The following DDC variants were observed in gnomAD, a reference collection of about 807,000 sequenced individuals.
The protein encoded by DDC is dopa decarboxylase, also known as aromatic-L-amino-acid decarboxylase.
Under a neutral mutation model 60.0 loss-of-function variants are expected in DDC, and 43 were observed. The observed-to-expected ratio is 0.72, with a 90% CI of 0.56 to 0.92. The LOEUF (loss-of-function observed/expected upper bound fraction) is 0.92, where lower values mean the gene tolerates loss of function less well. DDC is among the 40% of genes least tolerant of loss of function. The pLI, the probability that DDC is intolerant of heterozygous loss-of-function variation, is 0.00. For missense variants in DDC, 573 were observed against 620.2 expected (o/e 0.92, Z 0.81); for synonymous variants, 232 against 234.6 (o/e 0.99, Z 0.10).
intron 9 of DDC, chr7:50,492,511 AGCC>A (rs2043018988): frequency 5.4e-6 from 1 of 185,884 alleles, no homozygotes; most frequent in East Asian, 1.5e-4. Flanking sequence ...TAGCCTTTCA[AGCC>A]CATAGGAAGG....
At position 50,495,351 on chromosome 7, in the gene DDC, A is replaced by G; in HGVS notation, c.943T>C (p.Trp315Arg). 1 of 1,611,796 alleles carries G rather than the reference A, an allele frequency of 6.2e-7. No homozygotes were observed. Among genetic ancestry groups the G allele is most frequent in the Admixed American group, 1.7e-5 (1 of 60,020 alleles). The change falls in exon 9 of 15, where the codon TGG (tryptophan) becomes CGG (arginine). Residue 315 changes from tryptophan to arginine, a missense_variant and splice_region_variant. Transcript: ENST00000444124. ...LLVNFDCSAMWVKKRTDLTGA... is the reference protein window; with the variant it reads ...LLVNFDCSAMRVKKRTDLTGA... Reference sequence around the variant, plus strand: ...ACATCTGTGAGCAGGGAAACTTACCACATGGCAGAACAGTCAAAATTCACC... The same window carrying G: ...ACATCTGTGAGCAGGGAAACTTACCGCATGGCAGAACAGTCAAAATTCACC...
chr7:50,510,084 A>T (rs944056646), intron 6 of DDC, among the ~76,000 whole-genome samples: 1 of 151,738 alleles, frequency 6.6e-6, no homozygotes, highest in African/African-American at 2.4e-5. Flanking sequence ...CCATTCTCTC[A>T]TCTCAGCTTC....
intron 10 of DDC, among the ~76,000 whole-genome samples, chr7:50,477,240 C>T (rs181320236): frequency 6.6e-6 from 1 of 152,290 alleles, no homozygotes; most frequent in East Asian, 1.9e-4. Flanking sequence ...ATGCCTAAAG[C>T]AGCAAACCCC....
At chr7:50,551,343 G>A (rs539723390) in intron 1 of DDC, among the ~76,000 whole-genome samples, 8 of 150,170 alleles carry the variant, frequency 5.3e-5, no homozygotes, top group Non-Finnish European at 1.0e-4. Context: ...CAATTCTCCC[G>A]CCTTGACCTC....
intron 11 of DDC, among the ~76,000 whole-genome samples, chr7:50,472,749 G>A (rs868195864): frequency 7.2e-5 from 11 of 152,114 alleles, no homozygotes; most frequent in African/African-American, 1.9e-4. Flanking sequence ...CATACCTCGC[G>A]TCCTGAACAG....
chr7:50,509,386 T>C (rs1291500351), intron 6 of DDC, among the ~76,000 whole-genome samples: 1 of 152,220 alleles, frequency 6.6e-6, no homozygotes, highest in Non-Finnish European at 1.5e-5. Flanking sequence ...CTTAATGAAA[T>C]GTGTAGTCTT....
rs753317869 is a variant in DDC at position 50,544,094 on chromosome 7, G to C, written c.-9C>G. ...AATTCACTTGCGTTCATGGTGTCTG[G>C]GCTCTGTCAGAGGTGAAAACTGCAG... On this transcript the variant is annotated 5_prime_UTR_variant, in exon 2 of 15. Coordinates refer to ENST00000444124, the MANE Select transcript of DDC (RefSeq NM_001082971.2). 2.5e-6 allele frequency: 4 copies of C among 1,613,750 alleles called. No individual in the cohort carries two copies. The East Asian group carries it at 8.9e-5, about 36-fold the overall frequency.
intron 9 of DDC, among the ~76,000 whole-genome samples, chr7:50,491,809 C>CAGTAATGTGA (rs746828184): frequency 1.8e-4 from 27 of 152,134 alleles, no homozygotes; most frequent in Non-Finnish European, 3.4e-4. Flanking sequence ...TGTGACCATT[C>CAGTAATGTGA]CCTCCCTCTT....
rs2043139290 is a variant in DDC, at chr7:50,496,898, C to G, written c.877-1481G>C. On this transcript the variant is annotated intron_variant, in intron 8 of 14. Transcript: ENST00000444124. ...GAGGCATTTGGTTGGTGGATGACAA[C>G]TTTCCACTGCTCTGGAGACCCAGGT... Among the ~76,000 whole-genome samples, 3 of 152,190 alleles carry G rather than the reference C, an allele frequency of 2.0e-5. No homozygotes were observed. The South Asian group carries it at 6.2e-4, about 31-fold the overall frequency.
chr7:50,559,855 GA>G lies in DDC; in HGVS notation c.-29+5429del, dbSNP rs1324241598. On this transcript the variant is annotated intron_variant, in intron 1 of 14. Transcript: ENST00000444124. ...AGAATAATCAACATCTTGAAGAGCAGAAAACAAAAGTAATTAGATCCCCCAG... is the reference window on the plus strand; with the variant it reads ...AGAATAATCAACATCTTGAAGAGCAGAAACAAAAGTAATTAGATCCCCCAG... Among the ~76,000 whole-genome samples the G allele has an allele frequency of 2.0e-5, 3 of 152,328 alleles. No individual in the cohort carries two copies. In the East Asian group the frequency reaches 5.8e-4, roughly 29 times the overall value.
In DDC at chr7:50,543,850, G is replaced by T. The variant is rs756350735; in HGVS notation, c.201+35C>A. On this transcript the variant is annotated intron_variant, in intron 2 of 14. Transcript: ENST00000444124. ...CCAAGTAGGTGCTATGTGAGTTCTAGCCCTCCTGTTTTCTGACCTTGGATA... is the reference window on the plus strand; with the variant it reads ...CCAAGTAGGTGCTATGTGAGTTCTATCCCTCCTGTTTTCTGACCTTGGATA... 2.5e-6 allele frequency: 4 copies of T among 1,594,986 alleles called. No homozygotes were observed. The African/African-American group carries it at 4.0e-5, about 16-fold the overall frequency.
chr7:50,460,214 G>A (rs1277244102), intron 14 of DDC, among the ~76,000 whole-genome samples: 10 of 142,640 alleles, frequency 7.0e-5, no homozygotes, highest in South Asian at 2.2e-4. Flanking sequence ...CCGGCCAGCC[G>A]CCCCGTCCGG....
chr7:50,510,434 C>G (rs1051904249), intron 6 of DDC, among the ~76,000 whole-genome samples: 12 of 151,982 alleles, frequency 7.9e-5, no homozygotes, highest in African/African-American at 2.9e-4. Flanking sequence ...TTTGGGAGGC[C>G]AAGGCTGGCA....
chr7:50,502,012 T>C (rs1009544025), intron 7 of DDC, among the ~76,000 whole-genome samples: 4 of 152,044 alleles, frequency 2.6e-5, no homozygotes, highest in Admixed American at 1.3e-4. Context: ...AGGCAGATGT[T>C]GCAGTGAGCT....
chr7:50,546,840 A>G (rs2044822581), intron 1 of DDC, among the ~76,000 whole-genome samples: 1 of 152,234 alleles, frequency 6.6e-6, no homozygotes, highest in African/African-American at 2.4e-5. Context: ...AGCAAATGCC[A>G]AACTAACAAG....
chr7:50,458,477 T>C lies in DDC; in HGVS notation c.*385A>G, dbSNP rs549012066. ...ATTGTTTATTAGGCATTTAGCCACA[T>C]GACAAAAGACAATTTGAAGACCACA... On this transcript the variant is annotated 3_prime_UTR_variant, in exon 15 of 15. Coordinates refer to ENST00000444124, the MANE Select transcript of DDC (RefSeq NM_001082971.2). The C allele has an allele frequency of 2.0e-5, 3 of 152,342 alleles. No individual in the cohort carries two copies. The highest frequency in any genetic ancestry group is 7.2e-5 in the African/African-American group (3 of 41,580). The allele number at this position is 152,342 out of a possible 1,614,324, so 9.4% of individuals were successfully genotyped here.
intron 1 of DDC, chr7:50,561,135 CAG>C (rs2045338157): frequency 6.6e-6 from 1 of 152,204 alleles, no homozygotes. Context: ...CGAAGCCAAT[CAG>C]AGCTGCCGGC....
chr7:50,483,136 T>C (rs903764936), intron 9 of DDC, among the ~76,000 whole-genome samples: 3 of 152,206 alleles, frequency 2.0e-5, no homozygotes, highest in African/African-American at 7.2e-5. Flanking sequence ...AAAGGTTCAC[T>C]ATGTTTTTTG....
chr7:50,521,244 TCAGA>T (rs1463138069), intron 6 of DDC, among the ~76,000 whole-genome samples: 3 of 151,952 alleles, frequency 2.0e-5, no homozygotes, highest in African/African-American at 4.8e-5. Context: ...TTGCCAAAAC[TCAGA>T]CAAAGAGAAA....
Sources: gnomAD v4.1 joint callset for allele counts (sites outside exome capture counted in the v4.1 genomes callset) on GRCh38, gnomAD v4.1.1 for gene constraint, MANE v1.5 for transcripts, NCBI Gene and HGNC (gene_info 2026-07-23, HGNC 2026-07-21) for gene names.